SFI1: variants seen among roughly 807,000 people sequenced by gnomAD.
The protein encoded by SFI1 is protein SFI1 homolog.
A neutral mutation model predicts 207.5 loss-of-function variants in SFI1; 195 were observed. The observed-to-expected ratio is 0.94, with a 90% CI of 0.84 to 1.06. The LOEUF (loss-of-function observed/expected upper bound fraction) is 1.06, where lower values mean the gene tolerates loss of function less well. Ranked by LOEUF, SFI1 falls within the 50% of genes least tolerant of loss-of-function variation. The pLI, the probability that SFI1 is intolerant of heterozygous loss-of-function variation, is 0.00. For missense variants in SFI1, 1,634 were observed against 1,588.0 expected, an observed-to-expected ratio of 1.03 and a Z score of -0.49; for synonymous variants, 630 against 598.9, an observed-to-expected ratio of 1.05 and a Z score of -0.76.
At chr22:31,501,413 G>A (rs1484694243) in intron 1 of SFI1, among the ~76,000 whole-genome samples, 4 of 150,694 alleles carry the variant, frequency 2.7e-5, no homozygotes, top group South Asian at 2.1e-4. Flanking sequence ...CCTCATGACC[G>A]CCCATCTCGG....
chr22:31,527,332 A>G (rs1287579664), intron 2 of SFI1, among the ~76,000 whole-genome samples: 2 of 152,206 alleles, frequency 1.3e-5, no homozygotes, highest in Non-Finnish European at 2.9e-5. Flanking sequence ...CTTTAAACAT[A>G]TTCATTTTAG....
At chr22:31,502,444 G>A (rs1376492683) in intron 1 of SFI1, among the ~76,000 whole-genome samples, 1 of 151,202 alleles carries the variant, frequency 6.6e-6, no homozygotes, top group Non-Finnish European at 1.5e-5. Context: ...GCGTGATCTC[G>A]GCTCCTGCAG....
At chr22:31,582,527 C>T (rs1036666335) in intron 12 of SFI1, among the ~76,000 whole-genome samples, 3 of 151,796 alleles carry the variant, frequency 2.0e-5, no homozygotes, top group Admixed American at 1.3e-4. Context: ...GTTGGGATTA[C>T]AGGCGTGAGC....
chr22:31,531,551 G>C (rs1473511675), intron 4 of SFI1, among the ~76,000 whole-genome samples: 2 of 152,190 alleles, frequency 1.3e-5, no homozygotes, highest in African/African-American at 4.8e-5. Flanking sequence ...TCTGAGGTTA[G>C]GAGTTCGAGA....
At chr22:31,528,928 TG>T in intron 3 of SFI1, 65 bp downstream of exon 3, 1 of 1,483,174 alleles carries the variant, frequency 6.7e-7, no homozygotes, top group Non-Finnish European at 9.2e-7. Flanking sequence ...TTGGTTAAAA[TG>T]GGGGAATGAT....
chr22:31,611,075 C>G, intron 22 of SFI1, 68 bp from the exon 23 acceptor site: 2 of 1,599,512 alleles, frequency 1.3e-6, no homozygotes, highest in South Asian at 2.2e-5. Flanking sequence ...CTGTCTGCAC[C>G]TTCACCATTA....
chr22:31,502,232 T>C (rs1393993196), intron 1 of SFI1, among the ~76,000 whole-genome samples: 1 of 152,222 alleles, frequency 6.6e-6, no homozygotes, highest in Non-Finnish European at 1.5e-5. Context: ...TAAATCTTGT[T>C]TGTATCAACT....
intron 8 of SFI1, among the ~76,000 whole-genome samples, chr22:31,571,531 G>A (rs1182254646): frequency 6.6e-6 from 1 of 151,468 alleles, no homozygotes. Flanking sequence ...CCCAGGCTGG[G>A]CTCAAACTCC....
intron 2 of SFI1, among the ~76,000 whole-genome samples, chr22:31,509,911 A>ATATT (rs560529392): frequency 0.02 from 2,978 of 151,496 alleles, 47 homozygotes; most frequent in Middle Eastern, 0.038. Context: ...CATTGTTTTG[A>ATATT]TATTTATTTA....
At chr22:31,586,016 T>C (rs1391153242) in intron 14 of SFI1, among the ~76,000 whole-genome samples, 1 of 152,106 alleles carries the variant, frequency 6.6e-6, no homozygotes, top group African/African-American at 2.4e-5. Context: ...CCCTATAGTT[T>C]GGGGATAGAA....
Position 31,602,744 on chromosome 22 carries a change from T to C in SFI1, c.1764T>C (p.Ala588=). 6.2e-7 allele frequency: 1 copy of C among 1,614,046 alleles called. No individual in the cohort carries two copies. The highest frequency in any genetic ancestry group is 8.5e-7 in the Non-Finnish European group (1 of 1,180,012). Residue 588 remains alanine, a synonymous_variant, in exon 17 of 33, where the codon GCT becomes GCC. Transcript: ENST00000400288. The stretch of plus-strand genomic sequence containing the variant: ...ACCGCCACGGGCGGCTCAAGAAAGC[T>C]TTCTGCCTCTGGAGGGAAAGTGCCC... ...AHHRHGRLKK[A]FCLWRESAQG...
chr22:31,602,878 G>T, intron 17 of SFI1, 93 bp downstream of exon 17: 4 of 1,350,660 alleles, frequency 3.0e-6, no homozygotes, highest in Non-Finnish European at 4.1e-6. Flanking sequence ...CTGTCTGGAG[G>T]ACTGCATTAC....
intron 6 of SFI1, 141 bp downstream of exon 6, chr22:31,550,489 A>G: frequency 3.0e-6 from 2 of 659,418 alleles, no homozygotes; most frequent in Non-Finnish European, 5.2e-6. Context: ...CATATTTTTC[A>G]GAAAGTGTGA....
chr22:31,525,805 C>T (rs2057849518), intron 2 of SFI1, among the ~76,000 whole-genome samples: 1 of 152,050 alleles, frequency 6.6e-6, no homozygotes, highest in Admixed American at 6.6e-5. Flanking sequence ...TGTTCTGTTC[C>T]ATTGGCCTAT....
At chr22:31,572,968 C>T (rs1043322419) in intron 8 of SFI1, 90 bp from the exon 9 acceptor site, 21 of 1,324,276 alleles carry the variant, frequency 1.6e-5, no homozygotes, top group Non-Finnish European at 2.0e-5. Flanking sequence ...GCCTTTCCAG[C>T]GTGTGTGCCT....
intron 8 of SFI1, among the ~76,000 whole-genome samples, chr22:31,561,683 C>CT (rs1170690027): frequency 5.9e-5 from 9 of 152,338 alleles, no homozygotes; most frequent in African/African-American, 2.2e-4. Context: ...GCAGTATACT[C>CT]TGATTTCCTC....
chr22:31,604,608 G>A (rs1007878006), intron 19 of SFI1: 1 of 596,294 alleles, frequency 1.7e-6, no homozygotes, highest in Admixed American at 3.3e-5. Context: ...AGTGCTGTCT[G>A]TGGGTACTAG....
intron 22 of SFI1, among the ~76,000 whole-genome samples, chr22:31,610,455 C>G (rs1446962475): frequency 6.6e-6 from 1 of 152,228 alleles, no homozygotes; most frequent in South Asian, 2.1e-4. Context: ...CTGCCGCCTT[C>G]CCTGCCTGCC....
intron 15 of SFI1, among the ~76,000 whole-genome samples, chr22:31,597,242 A>G (rs1479781707): frequency 2.0e-5 from 3 of 152,168 alleles, no homozygotes; most frequent in African/African-American, 7.2e-5. Flanking sequence ...GCTAGGGAGC[A>G]GTTTGGGTGG....
Sources: gnomAD v4.1 joint callset for allele counts (sites outside exome capture counted in the v4.1 genomes callset) on GRCh38, gnomAD v4.1.1 for gene constraint, MANE v1.5 for transcripts, NCBI Gene and HGNC (gene_info 2026-07-23, HGNC 2026-07-21) for gene names.